The following MICAL3 variants were observed in gnomAD, a reference collection of about 807,000 sequenced individuals.
The protein encoded by MICAL3 is [F-actin]-monooxygenase MICAL3.
A neutral mutation model predicts 207.4 loss-of-function variants in MICAL3; 62 were observed. The observed-to-expected ratio is 0.30, with a 90% confidence interval of 0.24 to 0.37. The LOEUF (loss-of-function observed/expected upper bound fraction) is 0.37, where lower values mean the gene tolerates loss of function less well. MICAL3 is among the 10% of genes least tolerant of loss of function. MICAL3 has a pLI of 1.00. For missense variants in MICAL3, 2,368 were observed against 2,635.6 expected, an observed-to-expected ratio of 0.90 and a Z score of 2.22; for synonymous variants, 1,077 against 1,069.3, an observed-to-expected ratio of 1.01 and a Z score of -0.14.
intron 20 of MICAL3, among the ~76,000 whole-genome samples, chr22:17,837,658 CAAGGTAGAGGCATG>C (rs1923539346): frequency 6.6e-6 from 1 of 152,222 alleles, no homozygotes; most frequent in Admixed American, 6.5e-5. Context: ...ACCTTGCCTG[CAAGGTAGAGGCATG>C]AAGCTGATTA....
chr22:17,825,104 C>T (rs1044326163), intron 22 of MICAL3, among the ~76,000 whole-genome samples: 1 of 152,156 alleles, frequency 6.6e-6, no homozygotes, highest in African/African-American at 2.4e-5. Context: ...AGGCACAGCC[C>T]AGGGCACCCT....
At chr22:17,810,093 C>G (rs1005575501) in intron 28 of MICAL3, among the ~76,000 whole-genome samples, 10 of 134,334 alleles carry the variant, frequency 7.4e-5, no homozygotes, top group Admixed American at 2.4e-4. Flanking sequence ...GACAGAGTCT[C>G]TCTGTGTCGC....
At chr22:17,968,548 T>C (rs1253956711) in intron 1 of MICAL3, among the ~76,000 whole-genome samples, 1 of 152,156 alleles carries the variant, frequency 6.6e-6, no homozygotes, top group Admixed American at 6.5e-5. Flanking sequence ...GTGCCTCTTA[T>C]GGATGTAATG....
intron 10 of MICAL3, among the ~76,000 whole-genome samples, chr22:17,894,664 G>A (rs187696511): frequency 7.2e-5 from 11 of 151,762 alleles, no homozygotes; most frequent in Middle Eastern, 3.4e-3. Flanking sequence ...AGGCGTGGAG[G>A]TGGGTGCCTG....
rs571045742 is a variant in MICAL3 at position 17,849,083 on chromosome 22, A to G, written c.2606-7066T>C. The stretch of plus-strand genomic sequence containing the variant: ...GTTCACAAGAGTTTTCCAAGATCAC[A>G]TGATATGAGGTATTTCTTGCTTGTG... On this transcript the variant is annotated intron_variant, in intron 19 of 31. Coordinates refer to ENST00000441493, the MANE Select transcript of MICAL3 (RefSeq NM_015241.3). Among the ~76,000 whole-genome samples, 11 of 152,340 alleles carry G rather than the reference A, an allele frequency of 7.2e-5. No homozygotes were observed. The East Asian group carries it at 1.9e-3, about 27-fold the overall frequency.
At chr22:17,953,500 G>C (rs1358650549) in intron 1 of MICAL3, among the ~76,000 whole-genome samples, 3 of 152,072 alleles carry the variant, frequency 2.0e-5, no homozygotes, top group Non-Finnish European at 4.4e-5. Flanking sequence ...AAGCCCCCTA[G>C]AAGGTACTCT....
rs1312789272 is a variant in MICAL3 at position 17,818,242 on chromosome 22, C to T, written c.4419G>A (p.Arg1473=). Residue 1473 remains arginine (R), a synonymous_variant, in exon 26 of 32, where the codon CGG becomes CGA. Coordinates refer to ENST00000441493, the MANE Select transcript of MICAL3 (RefSeq NM_015241.3). ...PPPGEEPATL[R]RKLREAEPNA... is the part of the protein sequence containing the mutation. ...TGGGCTCGGCCTCCCTGAGCTTCCT[C>T]CGCAAGGTGGCGGGCTCCTCGCCCG... 80 of 1,532,546 alleles carry T rather than the reference C, an allele frequency of 5.2e-5. No individual in the cohort carries two copies. The highest frequency in any genetic ancestry group is 6.2e-5 in the Non-Finnish European group (71 of 1,144,798). The allele number at this position is 1,532,546 out of a possible 1,614,324, so 94.9% of individuals were successfully genotyped here. A position where few individuals can be genotyped will look rare whatever the true frequency, so the allele number is the denominator to read the frequency against.
Position 17,906,559 on chromosome 22 carries a change from G to A in MICAL3, c.254C>T (p.Thr85Ile). ...AGGAGCAAAGCTTACCTTGGTGTTAGTGCACGCTTTTCCCTTTTTGTAGTC... is the reference window on the plus strand; with the variant it reads ...AGGAGCAAAGCTTACCTTGGTGTTAATGCACGCTTTTCCCTTTTTGTAGTC... ...HKDYKKGKAC[T>I]NTKCLIIGAG... Residue 85 changes from threonine (T) to isoleucine (I), a missense_variant, in exon 2 of 32, where the codon ACT becomes ATT. Physicochemically the swap from Thr to Ile is moderately conservative, Grantham distance 89. Transcript: ENST00000441493. The A allele has an allele frequency of 6.2e-7, 1 of 1,611,760 alleles. No individual in the cohort carries two copies. Among genetic ancestry groups the A allele is most frequent in the Non-Finnish European group, 8.5e-7 (1 of 1,178,322 alleles).
chr22:17,999,850 AAG>A (rs1443967076), intron 1 of MICAL3, among the ~76,000 whole-genome samples: 1 of 152,238 alleles, frequency 6.6e-6, no homozygotes, highest in Non-Finnish European at 1.5e-5. Context: ...TACACTATAA[AAG>A]AGATTTAAAA....
At chr22:17,930,212 T>C (rs1030602773) in intron 1 of MICAL3, among the ~76,000 whole-genome samples, 1 of 152,190 alleles carries the variant, frequency 6.6e-6, no homozygotes, top group African/African-American at 2.4e-5. Flanking sequence ...ATGCGCGTGG[T>C]GAACTCGTAC....
intron 20 of MICAL3, among the ~76,000 whole-genome samples, chr22:17,833,925 G>A (rs1022445058): frequency 4.6e-5 from 7 of 152,226 alleles, no homozygotes; most frequent in African/African-American, 1.7e-4. Flanking sequence ...TTCCTTCCTG[G>A]ACTCACCCTA....
At chr22:18,017,029 G>A (rs1004754490) in intron 1 of MICAL3, among the ~76,000 whole-genome samples, 2 of 152,144 alleles carry the variant, frequency 1.3e-5, no homozygotes, top group South Asian at 2.1e-4. Context: ...GTATGTAGTG[G>A]GGGGAACAGA....
intron 19 of MICAL3, among the ~76,000 whole-genome samples, chr22:17,854,194 G>A (rs566578609): frequency 8.1e-5 from 12 of 147,856 alleles, no homozygotes; most frequent in South Asian, 2.1e-4. Context: ...GGCAATGTCT[G>A]GAGACATTTT....
chr22:18,024,050 T>C (rs1186867246), intron 1 of MICAL3, among the ~76,000 whole-genome samples: 4 of 152,092 alleles, frequency 2.6e-5, no homozygotes, highest in Non-Finnish European at 4.4e-5. Context: ...TCCGCACTGG[T>C]GGGTGTCGTG....
chr22:17,865,975 G>A lies in MICAL3; in HGVS notation c.2466C>T (p.Leu822=), dbSNP rs371478556. 1.9e-6 allele frequency: 3 copies of A among 1,613,894 alleles called. No individual in the cohort carries two copies. Among genetic ancestry groups the A allele is most frequent in the African/African-American group, 2.7e-5 (2 of 74,942 alleles). Residue 822 remains leucine (L), a synonymous_variant, in exon 18 of 32, where the codon CTC becomes CTT. Coordinates refer to ENST00000441493, the MANE Select transcript of MICAL3 (RefSeq NM_015241.3). The part of the protein sequence containing the change: ...FYCKPHYCYR[L]SGYAQRKRPA... Reference sequence around the variant, plus strand: ...GTCTCTTCCTTTGTGCGTAGCCAGAGAGTCGATAGCAGTAGTGTGGCTTAC... The same window carrying A: ...GTCTCTTCCTTTGTGCGTAGCCAGAAAGTCGATAGCAGTAGTGTGGCTTAC...
At chr22:18,001,727 C>T (rs952836723) in intron 1 of MICAL3, among the ~76,000 whole-genome samples, 1 of 152,250 alleles carries the variant, frequency 6.6e-6, no homozygotes, top group Non-Finnish European at 1.5e-5. Context: ...CGCCCTTCGT[C>T]CTCTCCGTCC....
At chr22:17,982,667 T>C (rs569165091) in intron 1 of MICAL3, among the ~76,000 whole-genome samples, 2 of 135,492 alleles carry the variant, frequency 1.5e-5, no homozygotes, top group South Asian at 2.3e-4. Context: ...TAAGACTTCA[T>C]CTCAAAAAAA....
intron 1 of MICAL3, among the ~76,000 whole-genome samples, chr22:17,943,966 C>T (rs564151425): frequency 6.6e-6 from 1 of 152,172 alleles, no homozygotes; most frequent in Non-Finnish European, 1.5e-5. Flanking sequence ...AAAACAGGCA[C>T]CCCAGGGATG....
chr22:17,938,872 G>A lies in MICAL3; in HGVS notation c.-74-31986C>T, dbSNP rs562559919. Among the ~76,000 whole-genome samples, 3 of 152,280 alleles carry A rather than the reference G, an allele frequency of 2.0e-5. No homozygotes were observed. The East Asian group carries it at 5.8e-4, about 29-fold the overall frequency. On this transcript the variant is annotated intron_variant, in intron 1 of 31. Coordinates refer to ENST00000441493, the MANE Select transcript of MICAL3 (RefSeq NM_015241.3). Reference sequence around the variant, plus strand: ...ACAGGCATTACAGCTCATGATCTGCGTGAGTCTCAGGCTCTTGCTCCCACC... The same window carrying A: ...ACAGGCATTACAGCTCATGATCTGCATGAGTCTCAGGCTCTTGCTCCCACC...
Sources: allele counts gnomAD v4.1 joint callset (sites outside exome capture counted in the v4.1 genomes callset), GRCh38; gene constraint gnomAD v4.1.1; transcripts MANE v1.5; gene names NCBI Gene and HGNC (gene_info 2026-07-23, HGNC 2026-07-21).